GSG1L: variants seen among roughly 807,000 people sequenced by gnomAD.
GSG1L encodes the protein germ cell-specific gene 1-like protein.
A neutral mutation model predicts 42.1 loss-of-function variants in GSG1L; 24 were observed. That is an observed-to-expected ratio of 0.57 (90% CI 0.41 to 0.80). The LOEUF (loss-of-function observed/expected upper bound fraction) is 0.80. Among genes scored for constraint, GSG1L ranks in the 30% least tolerant of loss-of-function variants. The pLI, the probability that GSG1L is intolerant of heterozygous loss-of-function variation, is 0.00. For synonymous variants in GSG1L, 215 were observed against 203.5 expected (o/e 1.06, Z -0.48); for missense variants, 445 against 472.2 (o/e 0.94, Z 0.53).
At position 28,035,331 on chromosome 16, in the gene GSG1L, A is replaced by G. The variant is rs145253948; in HGVS notation, c.349+27745T>C. Among the ~76,000 whole-genome samples, 5 of 152,326 alleles carry G rather than the reference A, an allele frequency of 3.3e-5. No homozygotes were observed. The East Asian group carries it at 9.6e-4, about 29-fold the overall frequency. ...TATCCTCAGCTGTATTTTTTAAAGT[A>G]TTTGTACTTTAAATGGCTTTTAGAG... On this transcript the variant is annotated intron_variant, in intron 1 of 6. Coordinates refer to ENST00000447459, the MANE Select transcript of GSG1L (RefSeq NM_001109763.2).
chr16:27,822,866 A>G (rs546047781), intron 5 of GSG1L, among the ~76,000 whole-genome samples: 9 of 152,274 alleles, frequency 5.9e-5, no homozygotes, highest in Admixed American at 5.9e-4. Context: ...TAAATAAACA[A>G]GTAATTTCAG....
Position 28,063,488 on chromosome 16 carries a change from G to A in GSG1L, c.-64C>T. ...AGCTCCGCGCGCGAAGTTGGCAGCT[G>A]GCGCCCCGCGTCAGCGGCCGCTGCC... On this transcript the variant is annotated 5_prime_UTR_variant, in exon 1 of 7. Transcript: ENST00000447459. This position sits in a 1 kb window ranked among gnomAD's most constrained non-coding sequence, Gnocchi z 5.8. 9.5e-7 allele frequency: 1 copy of A among 1,052,958 alleles called. No individual in the cohort carries two copies. Among genetic ancestry groups the A allele is most frequent in the Non-Finnish European group, 1.2e-6 (1 of 854,838 alleles). 65.2% of individuals were successfully genotyped at this position (1,052,958 alleles called of 1,614,324 possible).
chr16:27,887,997 C>A, intron 2 of GSG1L: 1 of 632,028 alleles, frequency 1.6e-6, no homozygotes, highest in Non-Finnish European at 2.0e-6. Context: ...ATTCAGAGAG[C>A]GCTGAGCCTG....
intron 3 of GSG1L, among the ~76,000 whole-genome samples, chr16:27,879,417 C>G (rs570447956): frequency 2.0e-5 from 3 of 152,010 alleles, no homozygotes; most frequent in Admixed American, 6.6e-5. Context: ...CCAGCCTGGG[C>G]CAATATAGCA....
chr16:28,011,370 A>T (rs2085715537), intron 1 of GSG1L, among the ~76,000 whole-genome samples: 1 of 152,210 alleles, frequency 6.6e-6, no homozygotes, highest in South Asian at 2.1e-4. Flanking sequence ...CTACAGGGTC[A>T]TGAAACTGAG....
intron 3 of GSG1L, among the ~76,000 whole-genome samples, chr16:27,865,562 TATATATATATAC>T (rs1424804425): frequency 0.026 from 684 of 25,942 alleles, 62 homozygotes; most frequent in East Asian, 0.095. Flanking sequence ...TATATATATA[TATATATATATAC>T]ACACACACAT....
chr16:27,818,219 C>T (rs2083117297), intron 5 of GSG1L, among the ~76,000 whole-genome samples: 1 of 152,236 alleles, frequency 6.6e-6, no homozygotes, highest in Non-Finnish European at 1.5e-5. Context: ...CTGAAGCTCC[C>T]TCCAGCCGGC....
chr16:27,800,570 G>C (rs1352199013), intron 6 of GSG1L, among the ~76,000 whole-genome samples: 1 of 152,168 alleles, frequency 6.6e-6, no homozygotes, highest in Non-Finnish European at 1.5e-5. Flanking sequence ...TCCTGAGCTG[G>C]CTGGTGGCGC....
chr16:27,904,565 T>C (rs1446104091), intron 2 of GSG1L, among the ~76,000 whole-genome samples: 1 of 152,162 alleles, frequency 6.6e-6, no homozygotes, highest in African/African-American at 2.4e-5. Flanking sequence ...ATCCCTCTAA[T>C]GTTCCAATGG....
At chr16:27,872,267 C>T (rs1038159932) in intron 3 of GSG1L, among the ~76,000 whole-genome samples, 2 of 152,278 alleles carry the variant, frequency 1.3e-5, no homozygotes, top group South Asian at 4.2e-4. Context: ...CTCATTCTCC[C>T]ATCTCATGTC....
chr16:28,000,871 C>G (rs1000359646), intron 1 of GSG1L, among the ~76,000 whole-genome samples: 1 of 152,226 alleles, frequency 6.6e-6, no homozygotes, highest in Non-Finnish European at 1.5e-5. Context: ...CCCGCCATTG[C>G]TTTGCCAGGA....
chr16:27,917,418 G>A (rs2084470919), intron 2 of GSG1L, among the ~76,000 whole-genome samples: 1 of 152,100 alleles, frequency 6.6e-6, no homozygotes, highest in Non-Finnish European at 1.5e-5. Flanking sequence ...GGGGGAATGA[G>A]CAGGACCCTA....
At chr16:27,862,993 G>A (rs2083672167) in intron 3 of GSG1L, among the ~76,000 whole-genome samples, 1 of 151,808 alleles carries the variant, frequency 6.6e-6, no homozygotes, top group African/African-American at 2.4e-5. Flanking sequence ...TCATTGTATT[G>A]CTCAGTAGCT....
At chr16:27,888,458 T>C (rs8047821) in intron 2 of GSG1L, among the ~76,000 whole-genome samples, 7,483 of 45,266 alleles carry the variant, frequency 0.17, 802 homozygotes, top group Non-Finnish European at 0.21. Flanking sequence ...CTTTCTTTCT[T>C]TCTTTCTCTC....
chr16:28,016,393 T>C (rs775420164), intron 1 of GSG1L, among the ~76,000 whole-genome samples: 4 of 152,204 alleles, frequency 2.6e-5, no homozygotes, highest in Admixed American at 1.3e-4. Flanking sequence ...GGTTGAAGGC[T>C]GAAACGTTTG....
At chr16:27,869,589 TTCTC>T (rs1203476304) in intron 3 of GSG1L, among the ~76,000 whole-genome samples, 2 of 133,144 alleles carry the variant, frequency 1.5e-5, no homozygotes, top group East Asian at 2.6e-4. Flanking sequence ...CTCCCTCTCC[TTCTC>T]TCTGTCTCTG....
chr16:27,850,594 G>T (rs1478139534), intron 3 of GSG1L: 2 of 455,846 alleles, frequency 4.4e-6, no homozygotes, highest in Admixed American at 4.7e-5. Flanking sequence ...GGCCAGGGAG[G>T]CTGAGGGAAA....
chr16:27,970,202 A>C (rs2085179034), intron 1 of GSG1L, among the ~76,000 whole-genome samples: 1 of 152,184 alleles, frequency 6.6e-6, no homozygotes, highest in Non-Finnish European at 1.5e-5. Context: ...AAAAGTTTTT[A>C]ATTTTAATGA....
chr16:27,931,550 A>G (rs540993953), intron 2 of GSG1L, among the ~76,000 whole-genome samples: 14 of 152,360 alleles, frequency 9.2e-5, no homozygotes, highest in Non-Finnish European at 1.8e-4. Flanking sequence ...CTGATTAGAT[A>G]GGCAAACAGT....
Sources: gnomAD v4.1 joint callset for allele counts (sites outside exome capture counted in the v4.1 genomes callset) on GRCh38, gnomAD v4.1.1 for gene constraint, Gnocchi (gnomAD v3.1) non-coding constraint, MANE v1.5 for transcripts, NCBI Gene and HGNC (gene_info 2026-07-23, HGNC 2026-07-21) for gene names.